The following GALNT18 variants were observed in gnomAD, a reference collection of about 807,000 sequenced individuals.
The protein encoded by GALNT18 is polypeptide N-acetylgalactosaminyltransferase 18.
In GALNT18, 44 loss-of-function variants were observed where a neutral mutation model predicts 69.5. That is an observed-to-expected ratio of 0.63 (90% CI 0.50 to 0.81). The LOEUF (loss-of-function observed/expected upper bound fraction) is 0.81, where lower values mean the gene tolerates loss of function less well. Ranked by LOEUF, GALNT18 falls within the 40% of genes least tolerant of loss-of-function variation. The pLI, the probability that GALNT18 is intolerant of heterozygous loss-of-function variation, is 0.00. For missense variants in GALNT18, 715 were observed against 810.0 expected (o/e 0.88, Z 1.42); for synonymous variants, 364 against 318.2 (o/e 1.14, Z -1.53).
At chr11:11,589,367 A>G (rs1020777158) in intron 1 of GALNT18, among the ~76,000 whole-genome samples, 2 of 152,210 alleles carry the variant, frequency 1.3e-5, no homozygotes, top group Non-Finnish European at 2.9e-5. Flanking sequence ...CAAAACAGAC[A>G]AACAAAAATA....
In GALNT18 at chr11:11,357,250, C is replaced by T. The variant is rs186542899; in HGVS notation, c.1092+15265G>A. ...AGAAGGTCTGTCTACAGCTGACCAC[C>T]TAGAAGGCAACAAAATTTCAACTAC... On this transcript the variant is annotated intron_variant, in intron 6 of 10. Transcript: ENST00000227756. Among the ~76,000 whole-genome samples the T allele has an allele frequency of 2.1e-3, 317 of 152,254 alleles. 2 individuals are homozygous for T. Among genetic ancestry groups the T allele is most frequent in the South Asian group, 7.5e-3 (36 of 4,808 alleles).
intron 1 of GALNT18, among the ~76,000 whole-genome samples, chr11:11,519,536 G>A (rs1038928858): frequency 5.3e-5 from 8 of 152,198 alleles, no homozygotes; most frequent in Admixed American, 1.3e-4. Flanking sequence ...GGTGAGGAAT[G>A]GATGTGGAGG....
rs1589963950 is a variant in GALNT18 at position 11,392,200 on chromosome 11, A to G, written c.596-12936T>C. 1.3e-5 allele frequency among the ~76,000 whole-genome samples: 2 copies of G among 152,232 alleles called. 1 individual carries two copies. The highest frequency in any genetic ancestry group is 2.9e-5 in the Non-Finnish European group (2 of 68,052). On this transcript the variant is annotated intron_variant, in intron 3 of 10. Coordinates refer to ENST00000227756, the MANE Select transcript of GALNT18 (RefSeq NM_198516.3). ...TGTATCCAGAGAGCCGGAGCCTGGC[A>G]TTCAGTAGAGGTTTATTGACTACAT...
At chr11:11,521,787 G>A (rs1590069970) in intron 1 of GALNT18, among the ~76,000 whole-genome samples, 1 of 152,074 alleles carries the variant, frequency 6.6e-6, no homozygotes, top group East Asian at 1.9e-4. Flanking sequence ...CAGAAACCCA[G>A]CCCACACACC....
Position 11,415,982 on chromosome 11 carries a change from A to G in GALNT18, c.595+16639T>C, listed in dbSNP as rs1854848919. ...TGTTCTTTTCGGAGAAAATAAAATC[A>G]CTTCAGCCTCATGCTTGAGCAGCCC... is the stretch of plus-strand genomic sequence containing the variant. On this transcript the variant is annotated intron_variant, in intron 3 of 10. Coordinates refer to ENST00000227756, the MANE Select transcript of GALNT18 (RefSeq NM_198516.3). The surrounding 1 kb of genome is among the most constrained non-coding windows in gnomAD (Gnocchi z 4.1). Among the ~76,000 whole-genome samples the G allele has an allele frequency of 6.6e-6, 1 of 152,254 alleles. No individual in the cohort carries two copies. Among genetic ancestry groups the G allele is most frequent in the Admixed American group, 6.5e-5 (1 of 15,292 alleles).
In GALNT18 at chr11:11,421,812, CA is replaced by C. The variant is rs1446329153; in HGVS notation, c.595+10808del. Among the ~76,000 whole-genome samples, 4 of 152,056 alleles carry C rather than the reference CA, an allele frequency of 2.6e-5. No individual in the cohort carries two copies. Among genetic ancestry groups the C allele is most frequent in the African/African-American group, 9.7e-5 (4 of 41,358 alleles). ...CACACAGCATCTTGATGTACTTGGC[CA>C]AAAGGTGCCTTCTCTGGACTATGCA... On this transcript the variant is annotated intron_variant, in intron 3 of 10. Coordinates refer to ENST00000227756, the MANE Select transcript of GALNT18 (RefSeq NM_198516.3). The surrounding 1 kb of genome is among the most constrained non-coding windows in gnomAD (Gnocchi z 5.6).
rs1175757993 is a variant in GALNT18, at chr11:11,340,252, G to A, written c.1278+567C>T. ...AGTACAGGTGACCAGAGGGATAGAGGACAGTGGCAGGCAATGATGAGGCTC... is the reference window on the plus strand; with the variant it reads ...AGTACAGGTGACCAGAGGGATAGAGAACAGTGGCAGGCAATGATGAGGCTC... On this transcript the variant is annotated intron_variant, in intron 7 of 10. Transcript: ENST00000227756. This position sits in a 1 kb window ranked among gnomAD's most constrained non-coding sequence, Gnocchi z 4.2. Among the ~76,000 whole-genome samples the A allele has an allele frequency of 2.5e-5, 2 of 81,150 alleles. No individual in the cohort carries two copies. Among genetic ancestry groups the A allele is most frequent in the Admixed American group, 1.3e-4 (1 of 7,812 alleles). The allele number at this position is 81,150 out of a possible 152,430, so 53.2% of individuals were successfully genotyped here.
At chr11:11,353,366 C>A (rs1241569641) in intron 6 of GALNT18, 2 of 594,782 alleles carry the variant, frequency 3.4e-6, no homozygotes, top group Non-Finnish European at 5.9e-6. Context: ...TCATTTTTAT[C>A]AGCTAACTGG....
At chr11:11,393,005 T>C (rs1049409357) in intron 3 of GALNT18, among the ~76,000 whole-genome samples, 28 of 152,150 alleles carry the variant, frequency 1.8e-4, no homozygotes, top group African/African-American at 6.0e-4. Flanking sequence ...ATGCTCAGTC[T>C]CCTGGAGGGG....
rs776895171 is a variant in GALNT18, at chr11:11,436,400, C to A, written c.429-3613G>T. ...CCACCATCGTGACTATGTAGGGTGA[C>A]AAGCTCATCCCAGTTTGCCCAGGAC... On this transcript the variant is annotated intron_variant, in intron 2 of 10. Transcript: ENST00000227756. The surrounding 1 kb of genome is among the most constrained non-coding windows in gnomAD (Gnocchi z 4.5). 5.3e-5 allele frequency among the ~76,000 whole-genome samples: 8 copies of A among 151,948 alleles called. No homozygotes were observed. Among genetic ancestry groups the A allele is most frequent in the Non-Finnish European group, 1.0e-4 (7 of 67,988 alleles).
Position 11,340,761 on chromosome 11 carries a change from T to C in GALNT18, c.1278+58A>G. 6 of 1,509,052 alleles carry C rather than the reference T, an allele frequency of 4.0e-6. No individual in the cohort carries two copies. The highest frequency in any genetic ancestry group is 5.4e-6 in the Non-Finnish European group (6 of 1,111,500). The allele number at this position is 1,509,052 out of a possible 1,614,324, so 93.5% of individuals were successfully genotyped here. ...AGGAAGAAGGGTTCGGTCCCATATC[T>C]TGTTTTGTTTGTTTTCCACCAATCC... On this transcript the variant is annotated intron_variant, in intron 7 of 10. Transcript: ENST00000227756. The surrounding 1 kb of genome is among the most constrained non-coding windows in gnomAD (Gnocchi z 4.2).
intron 6 of GALNT18, among the ~76,000 whole-genome samples, chr11:11,357,468 A>C (rs961245369): frequency 1.3e-5 from 2 of 151,788 alleles, no homozygotes; most frequent in African/African-American, 2.4e-5. Flanking sequence ...ATCAATCTCC[A>C]CCCACTCCCT....
chr11:11,398,937 G>A (rs1854394963), intron 3 of GALNT18, among the ~76,000 whole-genome samples: 1 of 152,192 alleles, frequency 6.6e-6, no homozygotes, highest in African/African-American at 2.4e-5. Context: ...CAGGGCAGAG[G>A]ATAGCAGGTG....
intron 1 of GALNT18, among the ~76,000 whole-genome samples, chr11:11,495,152 T>G (rs1309077853): frequency 6.6e-6 from 1 of 152,248 alleles, no homozygotes; most frequent in African/African-American, 2.4e-5. Flanking sequence ...TTTGAAGTTC[T>G]GAGCTCAGGG....
At chr11:11,283,565 G>T (rs958318484) in intron 10 of GALNT18, among the ~76,000 whole-genome samples, 1 of 152,166 alleles carries the variant, frequency 6.6e-6, no homozygotes, top group Admixed American at 6.5e-5. Flanking sequence ...CATGTTAGCC[G>T]ACTTCTGTCC....
rs193038923 is a variant in GALNT18, at chr11:11,312,848, C to A, written c.1512+14238G>T. Among the ~76,000 whole-genome samples, 76 of 152,304 alleles carry A rather than the reference C, an allele frequency of 5.0e-4. 1 individual carries two copies. Among genetic ancestry groups the A allele is most frequent in the Non-Finnish European group, 9.3e-4 (63 of 68,018 alleles). ...TAGGAAACAGAGGTGCATTGAGTGG[C>A]TTCCCTGTGCCAGGCGGTGCACTAG... is the stretch of plus-strand genomic sequence containing the variant. On this transcript the variant is annotated intron_variant, in intron 9 of 10. Coordinates refer to ENST00000227756, the MANE Select transcript of GALNT18 (RefSeq NM_198516.3).
At chr11:11,514,884 T>G (rs1442583668) in intron 1 of GALNT18, among the ~76,000 whole-genome samples, 89 of 152,098 alleles carry the variant, frequency 5.9e-4, no homozygotes, top group Admixed American at 5.8e-3. Context: ...GTTTGGTTGC[T>G]CATGGGAGGA....
intron 3 of GALNT18, among the ~76,000 whole-genome samples, chr11:11,427,146 T>A (rs1855150223): frequency 6.6e-6 from 1 of 152,164 alleles, no homozygotes; most frequent in African/African-American, 2.4e-5. Context: ...AGTGACAGCA[T>A]GATAGATCGG....
intron 8 of GALNT18, among the ~76,000 whole-genome samples, chr11:11,331,057 G>A (rs958924184): frequency 2.6e-5 from 4 of 152,228 alleles, no homozygotes; most frequent in African/African-American, 7.2e-5. Flanking sequence ...AGCTTGCTAT[G>A]GGTGGAGTGT....
Sources: gnomAD v4.1 joint callset for allele counts (sites outside exome capture counted in the v4.1 genomes callset) on GRCh38, gnomAD v4.1.1 for gene constraint, Gnocchi (gnomAD v3.1) non-coding constraint, MANE v1.5 for transcripts, NCBI Gene and HGNC (gene_info 2026-07-23, HGNC 2026-07-21) for gene names.